The following SCN2A variants were observed in gnomAD, a reference collection of about 807,000 sequenced individuals.
The protein encoded by SCN2A is sodium voltage-gated channel alpha subunit 2.
In SCN2A, 20 loss-of-function variants were observed where a neutral mutation model predicts 188.7. That is an observed-to-expected ratio of 0.11 (90% confidence interval 0.07 to 0.15). The LOEUF (loss-of-function observed/expected upper bound fraction) is 0.15. Ranked by LOEUF, SCN2A falls within the 10% of genes least tolerant of loss-of-function variation. The pLI is 1.00. For synonymous variants in SCN2A, 804 were observed against 833.1 expected, an observed-to-expected ratio of 0.97 and a Z score of 0.60; for missense variants, 1,278 against 2,445.0, an observed-to-expected ratio of 0.52 and a Z score of 10.07.
chr2:165,329,949 T>C lies in SCN2A; in HGVS notation c.2150-1381T>C, dbSNP rs147190731. ...AATATCCAAAGAGACAATTGACAAA[T>C]CTATTTTTAGTGGAAATTTTAAAAA... On this transcript the variant is annotated intron_variant, in intron 13 of 26. Transcript: ENST00000375437. Among the ~76,000 whole-genome samples, 8 of 152,292 alleles carry C rather than the reference T, an allele frequency of 5.3e-5. 1 individual carries two copies. The highest frequency in any genetic ancestry group is 1.7e-4 in the African/African-American group (7 of 41,576).
intron 1 of SCN2A, among the ~76,000 whole-genome samples, chr2:165,277,226 G>A (rs1439328110): frequency 6.6e-6 from 1 of 152,088 alleles, no homozygotes; most frequent in Non-Finnish European, 1.5e-5. Context: ...GTATCTGCTA[G>A]TAATTGAGGA....
rs1359219743 is a variant in SCN2A at position 165,370,188 on chromosome 2, C to T, written c.3738C>T (p.Asp1246=). The change falls in exon 20 of 27, where the codon GAC becomes GAT. Residue 1246 remains aspartate (D), a synonymous_variant. Coordinates refer to ENST00000375437, the MANE Select transcript of SCN2A (RefSeq NM_001040142.2). ...TTAAGACCATGTTAGAATATGCTGA[C>T]AAGGTTTTCACTTACATATTCATTC... ...KTIKTMLEYA[D]KVFTYIFILE... 1 of 1,613,952 alleles carries T rather than the reference C, an allele frequency of 6.2e-7. No individual in the cohort carries two copies. The highest frequency in any genetic ancestry group is 1.3e-5 in the African/African-American group (1 of 74,904).
At chr2:165,387,600 G>A (rs1219549834) in intron 26 of SCN2A, among the ~76,000 whole-genome samples, 1 of 151,830 alleles carries the variant, frequency 6.6e-6, no homozygotes. Context: ...ATTAATGTTA[G>A]GATACATACA....
At chr2:165,265,525 A>T (rs1284543948) in intron 1 of SCN2A, among the ~76,000 whole-genome samples, 1 of 105,926 alleles carries the variant, frequency 9.4e-6, no homozygotes, top group Admixed American at 1.0e-4. Flanking sequence ...ATTGCTGTGC[A>T]GAAGCTCTTT....
At chr2:165,257,499 GT>G (rs1396402947) in intron 1 of SCN2A, among the ~76,000 whole-genome samples, 2 of 151,982 alleles carry the variant, frequency 1.3e-5, no homozygotes, top group African/African-American at 4.8e-5. Context: ...TGTGGTTTTT[GT>G]TTCTGTGTTT....
intron 12 of SCN2A, among the ~76,000 whole-genome samples, chr2:165,325,762 T>G (rs1260074608): frequency 6.6e-6 from 1 of 152,184 alleles, no homozygotes; most frequent in Non-Finnish European, 1.5e-5. Context: ...TACTTGTTTT[T>G]TTACCTTAAA....
chr2:165,371,281 T>G (rs995359959), intron 20 of SCN2A: 4 of 152,212 alleles, frequency 2.6e-5, no homozygotes, highest in African/African-American at 9.6e-5. Context: ...CCTTTTTAGA[T>G]TTAAGAAAAC....
intron 8 of SCN2A, among the ~76,000 whole-genome samples, chr2:165,312,803 C>G (rs2105253231): frequency 6.6e-6 from 1 of 152,204 alleles, no homozygotes; most frequent in East Asian, 1.9e-4. Context: ...GAGCCACACA[C>G]AAAAGTCTAA....
intron 1 of SCN2A, 135 bp from the exon 2 acceptor site, chr2:165,295,638 C>T (rs953835129): frequency 3.7e-6 from 3 of 807,812 alleles, no homozygotes; most frequent in Non-Finnish European, 5.8e-6. Context: ...CCCTGAATAC[C>T]AAATACAGCT....
chr2:165,329,539 G>A lies in SCN2A; in HGVS notation c.2150-1791G>A, dbSNP rs181323074. On this transcript the variant is annotated intron_variant, in intron 13 of 26. Transcript: ENST00000375437. ...TTTAGAACTTAAACAACTTTGCTCC[G>A]GTTATTCCTACTGTCAAGATGAGCC... Among the ~76,000 whole-genome samples, 10 of 152,018 alleles carry A rather than the reference G, an allele frequency of 6.6e-5. No individual in the cohort carries two copies. The East Asian group carries it at 1.6e-3, about 24-fold the overall frequency.
At chr2:165,344,227 A>G (rs1202814702) in intron 15 of SCN2A, among the ~76,000 whole-genome samples, 1 of 152,128 alleles carries the variant, frequency 6.6e-6, no homozygotes, top group Non-Finnish European at 1.5e-5. Context: ...TTTCATTTAC[A>G]GTATGGACCA....
chr2:165,278,345 CGT>C (rs1695434533), intron 1 of SCN2A, among the ~76,000 whole-genome samples: 1 of 152,088 alleles, frequency 6.6e-6, no homozygotes, highest in South Asian at 2.1e-4. Context: ...ACTGGGGAGG[CGT>C]CAGGAAACTT....
chr2:165,370,717 G>A (rs1700980147), intron 20 of SCN2A: 1 of 173,658 alleles, frequency 5.8e-6, no homozygotes. Context: ...TAATTACAAA[G>A]AAATTTGAAA....
chr2:165,377,490 TATGCCTGTA>T, intron 22 of SCN2A, 98 bp from the exon 23 acceptor site: 1 of 919,846 alleles, frequency 1.1e-6, no homozygotes, highest in African/African-American at 1.7e-5. Flanking sequence ...AGCTTATTTA[TATGCCTGTA>T]TTGAATACAT....
At chr2:165,341,637 A>G (rs993998324) in intron 14 of SCN2A, among the ~76,000 whole-genome samples, 1 of 152,228 alleles carries the variant, frequency 6.6e-6, no homozygotes, top group African/African-American at 2.4e-5. Flanking sequence ...AAAGGGAAAC[A>G]AAGTTCAGGC....
chr2:165,265,825 T>C (rs1574467001), intron 1 of SCN2A, among the ~76,000 whole-genome samples: 1 of 151,298 alleles, frequency 6.6e-6, no homozygotes, highest in African/African-American at 2.4e-5. Flanking sequence ...TTCTTTCTTC[T>C]TTTTTTTCTC....
Position 165,369,848 on chromosome 2 carries a change from G to C in SCN2A, c.3676-278G>C, listed in dbSNP as rs59934051. Among the ~76,000 whole-genome samples, 64,488 of 151,980 alleles carry C rather than the reference G, an allele frequency of 0.42. 13,908 individuals are homozygous for C. Among genetic ancestry groups the C allele is most frequent in the East Asian group, 0.54 (2,767 of 5,166 alleles). ...CCCAGGCGTTCCACTGCCTCCTGAT[G>C]TAGAGAGAAGCAGCTGGCAGTCTCT... On this transcript the variant is annotated intron_variant, in intron 19 of 26. Transcript: ENST00000375437.
At chr2:165,281,593 A>G (rs1695586453) in intron 1 of SCN2A, among the ~76,000 whole-genome samples, 3 of 152,166 alleles carry the variant, frequency 2.0e-5, no homozygotes, top group Non-Finnish European at 2.9e-5. Flanking sequence ...AACACAAGCC[A>G]TGGCTCATAC....
At chr2:165,261,602 G>C (rs563715368) in intron 1 of SCN2A, among the ~76,000 whole-genome samples, 1 of 152,280 alleles carries the variant, frequency 6.6e-6, no homozygotes, top group East Asian at 1.9e-4. Flanking sequence ...CTCAAGTGGG[G>C]TACACCAATG....
Sources: gnomAD v4.1 joint callset for allele counts (sites outside exome capture counted in the v4.1 genomes callset) on GRCh38, gnomAD v4.1.1 for gene constraint, MANE v1.5 for transcripts, NCBI Gene and HGNC (gene_info 2026-07-23, HGNC 2026-07-21) for gene names.